Variants in SAMD12 observed in about 807,000 individuals in gnomAD.
The protein encoded by SAMD12 is sterile alpha motif domain-containing protein 12.
Under a neutral mutation model 15.0 loss-of-function variants are expected in SAMD12, and 9 were observed. That is an observed-to-expected ratio of 0.60 (90% CI 0.36 to 1.05). The LOEUF is 1.05. Ranked by LOEUF, SAMD12 falls within the 50% of genes least tolerant of loss-of-function variation. The pLI, the probability that SAMD12 is intolerant of heterozygous loss-of-function variation, is 0.01. For synonymous variants in SAMD12, 86 were observed against 90.1 expected (o/e 0.96, Z 0.25); for missense variants, 230 against 234.2 (o/e 0.98, Z 0.12).
At chr8:118,179,377 C>T in the SAMD12 span, among the ~76,000 whole-genome samples, 6 of 145,092 alleles carry the variant, frequency 4.1e-5, no homozygotes, top group African/African-American at 1.3e-4. Flanking sequence ...GCAGAGGTTG[C>T]GGTGAGCCGA....
the SAMD12 span, among the ~76,000 whole-genome samples, chr8:118,139,827 C>T: frequency 6.6e-6 from 1 of 152,230 alleles, no homozygotes; most frequent in African/African-American, 2.4e-5. Context: ...TTTCCGTTGG[C>T]TCTCATTCAA....
intron 4 of SAMD12, among the ~76,000 whole-genome samples, chr8:118,343,558 G>T (rs5027738): frequency 6.6e-6 from 1 of 151,636 alleles, no homozygotes; most frequent in African/African-American, 2.4e-5. Flanking sequence ...GGCTGGGTTG[G>T]GATTAGGGTG....
chr8:118,425,067 T>C (rs533789755), intron 3 of SAMD12, among the ~76,000 whole-genome samples: 3 of 151,902 alleles, frequency 2.0e-5, no homozygotes, highest in South Asian at 4.2e-4. Flanking sequence ...GCCTCCTGAG[T>C]AGCTGGGACT....
At chr8:118,337,332 A>G (rs1396264026) in intron 4 of SAMD12, among the ~76,000 whole-genome samples, 2 of 152,124 alleles carry the variant, frequency 1.3e-5, no homozygotes, top group Non-Finnish European at 2.9e-5. Context: ...GTCCCTGTAC[A>G]TGCCCTGGGT....
chr8:118,511,510 T>G (rs1386605298), intron 2 of SAMD12, among the ~76,000 whole-genome samples: 13 of 152,118 alleles, frequency 8.5e-5, no homozygotes. Context: ...CTGGGTAGAT[T>G]TGATAATGCA....
chr8:118,170,056 A>G, the SAMD12 span, among the ~76,000 whole-genome samples: 1 of 152,188 alleles, frequency 6.6e-6, no homozygotes, highest in East Asian at 1.9e-4. Context: ...ATTTGTTATT[A>G]GGCAATATCT....
At chr8:118,232,983 C>A (rs1270422892) in intron 4 of SAMD12, among the ~76,000 whole-genome samples, 2 of 152,148 alleles carry the variant, frequency 1.3e-5, no homozygotes, top group Non-Finnish European at 2.9e-5. Flanking sequence ...TTAATAACAG[C>A]TCAGAGAAAC....
intron 4 of SAMD12, among the ~76,000 whole-genome samples, chr8:118,295,251 A>T (rs1814644117): frequency 6.6e-6 from 1 of 152,202 alleles, no homozygotes; most frequent in African/African-American, 2.4e-5. Flanking sequence ...TTATTGGTGA[A>T]AGGCTATTTT....
At chr8:118,301,738 T>C (rs560545305) in intron 4 of SAMD12, among the ~76,000 whole-genome samples, 52 of 152,338 alleles carry the variant, frequency 3.4e-4, no homozygotes, top group Middle Eastern at 3.4e-3. Context: ...ACAGAAGTGA[T>C]CCATATGGAT....
At position 118,602,061 on chromosome 8, in the gene SAMD12, G is replaced by A. The variant is rs534984829; in HGVS notation, c.13+19743C>T. On this transcript the variant is annotated intron_variant, in intron 1 of 3. Transcript: ENST00000314727. ...GCAGAATAGTTCTGTACCCCACAAAGTCTTTTTCCACTTGCTCCTATCAGG... is the reference window on the plus strand; with the variant it reads ...GCAGAATAGTTCTGTACCCCACAAAATCTTTTTCCACTTGCTCCTATCAGG... 3.5e-4 allele frequency among the ~76,000 whole-genome samples: 53 copies of A among 152,228 alleles called. 1 individual carries two copies. The highest frequency in any genetic ancestry group is 1.3e-3 in the African/African-American group (52 of 41,542).
At chr8:118,421,141 G>C (rs1360163604) in intron 3 of SAMD12, among the ~76,000 whole-genome samples, 2 of 152,056 alleles carry the variant, frequency 1.3e-5, no homozygotes, top group Non-Finnish European at 2.9e-5. Flanking sequence ...TCACACCTCA[G>C]GTTCCTCATG....
intron 2 of SAMD12, among the ~76,000 whole-genome samples, chr8:118,553,233 A>G (rs1264804730): frequency 2.0e-5 from 3 of 152,314 alleles, no homozygotes; most frequent in Non-Finnish European, 4.4e-5. Flanking sequence ...AGGCAATCCT[A>G]AGCCAAAAGA....
chr8:118,372,637 T>C (rs933700387), intron 4 of SAMD12, among the ~76,000 whole-genome samples: 1 of 152,134 alleles, frequency 6.6e-6, no homozygotes, highest in Non-Finnish European at 1.5e-5. Flanking sequence ...TAAAAACCTA[T>C]GTGTGAGTGC....
chr8:118,310,310 G>T (rs1815566913), intron 4 of SAMD12, among the ~76,000 whole-genome samples: 1 of 152,138 alleles, frequency 6.6e-6, no homozygotes, highest in Non-Finnish European at 1.5e-5. Context: ...TGAGTATGTG[G>T]TGTTCAGTAT....
At chr8:118,213,494 G>A (rs548108444) in intron 4 of SAMD12, among the ~76,000 whole-genome samples, 1 of 152,332 alleles carries the variant, frequency 6.6e-6, no homozygotes, top group African/African-American at 2.4e-5. Flanking sequence ...AGCCATTTCA[G>A]TGAAACATCT....
chr8:118,550,479 G>C lies in SAMD12; in HGVS notation c.192+30236C>G, dbSNP rs998023212. Among the ~76,000 whole-genome samples the C allele has an allele frequency of 3.3e-5, 5 of 152,312 alleles. No homozygotes were observed. In the East Asian group the frequency reaches 9.6e-4, roughly 29 times the overall value. On this transcript the variant is annotated intron_variant, in intron 2 of 3. Transcript: ENST00000314727. Reference sequence around the variant, plus strand: ...AATACTTTACAGACAAGCAAATGCTGAGAGATTTTGTCACCAGCAGGCCTG... The same window carrying C: ...AATACTTTACAGACAAGCAAATGCTCAGAGATTTTGTCACCAGCAGGCCTG...
intron 2 of SAMD12, among the ~76,000 whole-genome samples, chr8:118,536,666 G>T (rs948105059): frequency 1.8e-4 from 27 of 152,170 alleles, no homozygotes; most frequent in East Asian, 7.7e-4. Flanking sequence ...CTTTAACTTT[G>T]TTATTCCCCA....
chr8:118,397,499 T>C (rs992160131), intron 3 of SAMD12, among the ~76,000 whole-genome samples: 1 of 152,194 alleles, frequency 6.6e-6, no homozygotes, highest in Non-Finnish European at 1.5e-5. Flanking sequence ...AGTCTACAGA[T>C]TGTGGAACAG....
chr8:118,311,132 C>G (rs1164309932), intron 4 of SAMD12, among the ~76,000 whole-genome samples: 1 of 152,230 alleles, frequency 6.6e-6, no homozygotes, highest in East Asian at 1.9e-4. Context: ...CTCAAAGCAT[C>G]TGATACAGAG....
Sources: allele counts gnomAD v4.1 joint callset (sites outside exome capture counted in the v4.1 genomes callset), GRCh38; gene constraint gnomAD v4.1.1; transcripts MANE v1.5; gene names NCBI Gene and HGNC (gene_info 2026-07-23, HGNC 2026-07-21).